Variants in BTK observed in about 807,000 individuals in gnomAD.
The protein encoded by BTK is tyrosine-protein kinase BTK.
In BTK, 5 loss-of-function variants were observed where a neutral mutation model predicts 57.4. The observed-to-expected ratio is 0.09, with a 90% CI of 0.05 to 0.18. The LOEUF is 0.18. Ranked by LOEUF, BTK falls within the 10% of genes least tolerant of loss-of-function variation. The pLI, the probability that BTK is intolerant of heterozygous loss-of-function variation, is 1.00. For missense variants in BTK, 194 were observed against 501.2 expected (o/e 0.39, Z 5.85); for synonymous variants, 154 against 174.3 (o/e 0.88, Z 0.92).
chrX:101,353,115 T>G, intron 18 of BTK, 79 bp downstream of exon 18: 1 of 943,966 alleles, frequency 1.1e-6, no homozygotes, highest in Non-Finnish European at 1.5e-6. Context: ...CAGCTATCAG[T>G]CTTTGGTGGC....
chrX:101,363,599 G>A (rs146340224), intron 5 of BTK, among the ~76,000 whole-genome samples: 6,010 of 108,154 alleles, frequency 0.056, 185 homozygotes, highest in Admixed American at 0.12. Context: ...CCAGCTACTC[G>A]GGAGGCTGAG....
chrX:101,374,141 C>T lies in BTK; in HGVS notation c.240+395G>A, dbSNP rs567795534. Among the ~76,000 whole-genome samples, 16 of 111,122 alleles carry T rather than the reference C, an allele frequency of 1.4e-4. No individual in the cohort carries two copies. In the South Asian group the frequency reaches 5.7e-3, roughly 39 times the overall value. ...TCAGTAGGTTTTATGTCTCTCGCTC[C>T]GGAAAGTGAGAAGAGAATAAATAGT... On this transcript the variant is annotated intron_variant, in intron 3 of 18. Coordinates refer to ENST00000308731, the MANE Select transcript of BTK (RefSeq NM_000061.3).
At chrX:101,353,088 A>G in intron 18 of BTK, 106 bp downstream of exon 18, 3 of 762,704 alleles carry the variant, frequency 3.9e-6, no homozygotes, top group Non-Finnish European at 5.7e-6. Flanking sequence ...AAAAAAAAGG[A>G]AAAAAAAGAA....
chrX:101,384,448 T>C (rs1212736849), intron 1 of BTK, among the ~76,000 whole-genome samples: 1 of 111,124 alleles, frequency 9.0e-6, no homozygotes, highest in Non-Finnish European at 1.9e-5. Context: ...AAATACAAAA[T>C]TAGCTGGGCG....
intron 1 of BTK, among the ~76,000 whole-genome samples, chrX:101,376,735 G>T (rs1252752514): frequency 9.0e-6 from 1 of 110,951 alleles, no homozygotes; most frequent in African/African-American, 3.3e-5. Flanking sequence ...CCTCTGGTGG[G>T]GGGGTGGGGG....
upstream of BTK, among the ~76,000 whole-genome samples, chrX:101,387,705 G>C (rs1233023823): frequency 2.7e-5 from 3 of 110,652 alleles, no homozygotes; most frequent in Non-Finnish European, 5.7e-5. Context: ...TGATGATAGA[G>C]TGGTTGATAC....
chrX:101,384,617 A>T (rs1927556920), intron 1 of BTK, among the ~76,000 whole-genome samples: 1 of 111,668 alleles, frequency 9.0e-6, no homozygotes, highest in Admixed American at 9.5e-5. Context: ...AAAAAAAAAA[A>T]AAAAAATTCC....
At chrX:101,373,928 C>A (rs1266046430) in intron 3 of BTK, among the ~76,000 whole-genome samples, 1 of 110,153 alleles carries the variant, frequency 9.1e-6, no homozygotes, top group Non-Finnish European at 1.9e-5. Flanking sequence ...ACCTGTAATC[C>A]CAGCTACTTG....
At chrX:101,387,741 A>G (rs782155686), upstream of BTK, among the ~76,000 whole-genome samples, 3 of 111,250 alleles carry the variant, frequency 2.7e-5, 1 homozygote, top group Admixed American at 2.9e-4. Flanking sequence ...ACAGATGGAC[A>G]GCATGTGTTG....
intron 4 of BTK, 66 bp downstream of exon 4, chrX:101,371,567 A>G: frequency 2.0e-6 from 2 of 987,273 alleles, no homozygotes; most frequent in Non-Finnish European, 2.9e-6. Context: ...TCTGCCCTGC[A>G]CCCCACCACC....
chrX:101,363,631 G>C (rs1926739644), intron 5 of BTK, among the ~76,000 whole-genome samples: 1 of 107,401 alleles, frequency 9.3e-6, no homozygotes, highest in African/African-American at 3.4e-5. Flanking sequence ...GCTTGAACCT[G>C]GCTGGCGGAG....
At chrX:101,351,057 A>G (rs1452451535) in intron 18 of BTK, among the ~76,000 whole-genome samples, 1 of 111,723 alleles carries the variant, frequency 9.0e-6, no homozygotes, top group Non-Finnish European at 1.9e-5. Context: ...GTGCAGTGGC[A>G]GGATCTCGGC....
intron 3 of BTK, among the ~76,000 whole-genome samples, chrX:101,373,502 T>C (rs935759134): frequency 6.3e-5 from 7 of 111,943 alleles, no homozygotes; most frequent in Non-Finnish European, 5.6e-5. Flanking sequence ...TATCGTTACA[T>C]TGAAAAAGTA....
chrX:101,365,445 G>A (rs782583783), intron 5 of BTK, among the ~76,000 whole-genome samples: 25 of 112,174 alleles, frequency 2.2e-4, no homozygotes, highest in African/African-American at 7.8e-4. Flanking sequence ...CCTTGAAGAT[G>A]ACACCCCTTC....
At chrX:101,388,074 G>C (rs1207754381), upstream of BTK, among the ~76,000 whole-genome samples, 5 of 110,752 alleles carry the variant, frequency 4.5e-5, no homozygotes, top group African/African-American at 1.6e-4. Flanking sequence ...CACCATGTTA[G>C]CCAGGATGGT....
chrX:101,354,895 G>T (rs782168392), intron 15 of BTK, among the ~76,000 whole-genome samples: 1 of 111,979 alleles, frequency 8.9e-6, no homozygotes, highest in South Asian at 3.8e-4. Context: ...CTGCTGTGTA[G>T]TCCTAGGTAA....
chrX:101,376,150 A>G (rs3027623), intron 1 of BTK, among the ~76,000 whole-genome samples: 23,949 of 110,719 alleles, frequency 0.22, 2,382 homozygotes, highest in South Asian at 0.39. Context: ...CTCCAGAAGG[A>G]TTCAATTTAG....
intron 12 of BTK, 90 bp downstream of exon 12, chrX:101,358,220 C>T (rs1302335157): frequency 7.8e-6 from 9 of 1,152,008 alleles, no homozygotes; most frequent in East Asian, 6.0e-5. Flanking sequence ...TCACACTGTC[C>T]TGTGAGGCAG....
intron 15 of BTK, chrX:101,355,849 C>A: frequency 2.1e-6 from 1 of 472,008 alleles, no homozygotes; most frequent in Non-Finnish European, 3.8e-6. Flanking sequence ...CTGATTCCCA[C>A]CACGGCAGAC....
Sources: allele counts gnomAD v4.1 joint callset (sites outside exome capture counted in the v4.1 genomes callset), GRCh38; gene constraint gnomAD v4.1.1; transcripts MANE v1.5; gene names NCBI Gene and HGNC (gene_info 2026-07-23, HGNC 2026-07-21).